TXNRD1: variants seen among roughly 807,000 people sequenced by gnomAD.
TXNRD1 encodes the protein thioredoxin reductase 1.
TXNRD1 carries 57 observed loss-of-function variants against 80.3 expected under a neutral mutation model. The ratio of observed to expected loss-of-function variants is 0.71; its 90% CI spans 0.57 to 0.89. The LOEUF (loss-of-function observed/expected upper bound fraction) is 0.89, where lower values mean the gene tolerates loss of function less well. TXNRD1 is among the 40% of genes least tolerant of loss of function. TXNRD1 has a pLI of 0.00. For missense variants in TXNRD1, 730 were observed against 803.0 expected (o/e 0.91, Z 1.10); for synonymous variants, 291 against 285.2 (o/e 1.02, Z -0.20).
At chr12:104,216,545 T>G (rs2135669578) in intron 1 of TXNRD1, among the ~76,000 whole-genome samples, 1 of 152,336 alleles carries the variant, frequency 6.6e-6, no homozygotes, top group South Asian at 2.1e-4. Flanking sequence ...TACTAAGCAC[T>G]GACATGAGAG....
At chr12:104,300,147 T>C (rs2081204591) in intron 4 of TXNRD1, among the ~76,000 whole-genome samples, 2 of 152,210 alleles carry the variant, frequency 1.3e-5, no homozygotes, top group South Asian at 4.1e-4. Context: ...TCATCCACCC[T>C]ATCACGTTTG....
intron 4 of TXNRD1, chr12:104,303,811 C>T (rs1434220400): frequency 6.5e-6 from 9 of 1,389,004 alleles, no homozygotes; most frequent in South Asian, 3.0e-5. Flanking sequence ...CAGAGATACC[C>T]GTGGCCGGCA....
intron 15 of TXNRD1, among the ~76,000 whole-genome samples, chr12:104,338,164 T>C (rs568514564): frequency 3.9e-5 from 6 of 151,960 alleles, no homozygotes; most frequent in African/African-American, 1.4e-4. Context: ...GGAGCTGAGA[T>C]GATCAAATAC....
intron 6 of TXNRD1, among the ~76,000 whole-genome samples, chr12:104,314,552 T>G (rs111399603): frequency 2.6e-5 from 4 of 152,202 alleles, no homozygotes; most frequent in African/African-American, 9.6e-5. Context: ...TCTTTCACTC[T>G]TATGTCATTT....
At chr12:104,347,163 C>G (rs1011342948) in intron 16 of TXNRD1, among the ~76,000 whole-genome samples, 11 of 150,388 alleles carry the variant, frequency 7.3e-5, no homozygotes, top group Admixed American at 2.7e-4. Flanking sequence ...TGATGAGCCT[C>G]TTTCTTCTTA....
At chr12:104,256,374 C>T (rs1468424587) in intron 2 of TXNRD1, among the ~76,000 whole-genome samples, 1 of 152,192 alleles carries the variant, frequency 6.6e-6, no homozygotes, top group Non-Finnish European at 1.5e-5. Flanking sequence ...AAGATAATCC[C>T]TCTCCACCTT....
intron 4 of TXNRD1, among the ~76,000 whole-genome samples, chr12:104,290,414 G>A (rs557046078): frequency 2.6e-5 from 4 of 151,970 alleles, no homozygotes; most frequent in East Asian, 3.9e-4. Flanking sequence ...CTTCCTGGCC[G>A]GGTGCGGTGG....
At chr12:104,331,401 G>A (rs190052974) in intron 13 of TXNRD1, 133 bp from the exon 14 acceptor site, 98 of 529,352 alleles carry the variant, frequency 1.9e-4, no homozygotes, top group African/African-American at 9.1e-4. Flanking sequence ...TTAATATCTC[G>A]GATTGAGACT....
intron 13 of TXNRD1, among the ~76,000 whole-genome samples, chr12:104,331,138 C>G (rs2035933794): frequency 6.6e-6 from 1 of 151,800 alleles, no homozygotes; most frequent in South Asian, 2.1e-4. Flanking sequence ...GTTAATATTA[C>G]CTAATTGATG....
At chr12:104,331,416 A>G in intron 13 of TXNRD1, 118 bp from the exon 14 acceptor site, 1 of 575,570 alleles carries the variant, frequency 1.7e-6, no homozygotes, top group Non-Finnish European at 3.1e-6. Context: ...GAGACTTCAC[A>G]TACTTTGGTA....
intron 1 of TXNRD1, among the ~76,000 whole-genome samples, chr12:104,241,937 A>ATGTTTTT (rs2032878225): frequency 1.0e-5 from 1 of 96,082 alleles, no homozygotes; most frequent in African/African-American, 4.2e-5. Flanking sequence ...TATACTAATG[A>ATGTTTTT]TTTTTTTTTT....
chr12:104,310,538 C>T (rs573687111), intron 4 of TXNRD1, among the ~76,000 whole-genome samples: 8 of 151,730 alleles, frequency 5.3e-5, no homozygotes, highest in African/African-American at 9.7e-5. Flanking sequence ...TTTTAGTAAG[C>T]GATAATATTA....
intron 14 of TXNRD1, among the ~76,000 whole-genome samples, chr12:104,333,567 T>C (rs1167787326): frequency 6.6e-6 from 1 of 152,216 alleles, no homozygotes; most frequent in African/African-American, 2.4e-5. Flanking sequence ...CGAAGAACAC[T>C]TGTTATGTCT....
intron 16 of TXNRD1, among the ~76,000 whole-genome samples, chr12:104,347,874 C>A (rs2036543423): frequency 6.6e-6 from 1 of 152,064 alleles, no homozygotes; most frequent in South Asian, 2.1e-4. Flanking sequence ...TCTACATCAT[C>A]TTGCCATTTG....
chr12:104,332,733 G>A (rs2035997616), intron 14 of TXNRD1, among the ~76,000 whole-genome samples: 3 of 87,166 alleles, frequency 3.4e-5, no homozygotes, highest in Admixed American at 3.4e-4. Context: ...TGGGCAACAA[G>A]AGAGAAACTC....
At chr12:104,217,124 C>T (rs993967512) in intron 1 of TXNRD1, among the ~76,000 whole-genome samples, 1 of 151,868 alleles carries the variant, frequency 6.6e-6, no homozygotes, top group African/African-American at 2.4e-5. Flanking sequence ...CAGGCAAGGT[C>T]CAGGTCAGGC....
intron 3 of TXNRD1, among the ~76,000 whole-genome samples, chr12:104,272,057 C>T (rs1253668226): frequency 6.6e-6 from 1 of 152,142 alleles, no homozygotes; most frequent in Non-Finnish European, 1.5e-5. Context: ...ATCCCAGCTA[C>T]TCTGGAGGCT....
At chr12:104,339,761 A>G (rs1200945246) in intron 16 of TXNRD1, among the ~76,000 whole-genome samples, 1 of 152,224 alleles carries the variant, frequency 6.6e-6, no homozygotes, top group Admixed American at 6.5e-5. Flanking sequence ...TGATCATCCA[A>G]GAGTTGAATA....
chr12:104,300,723 G>C (rs2034594301), intron 4 of TXNRD1, among the ~76,000 whole-genome samples: 1 of 152,156 alleles, frequency 6.6e-6, no homozygotes, highest in African/African-American at 2.4e-5. Context: ...CCAGGCTGGA[G>C]TGCAATGGTG....
Sources: allele counts gnomAD v4.1 joint callset (sites outside exome capture counted in the v4.1 genomes callset), GRCh38; gene constraint gnomAD v4.1.1; transcripts MANE v1.5; gene names NCBI Gene and HGNC (gene_info 2026-07-23, HGNC 2026-07-21).